Variants in CASK observed in about 807,000 individuals in gnomAD.
CASK encodes the protein peripheral plasma membrane protein CASK.
A neutral mutation model predicts 82.9 loss-of-function variants in CASK; 4 were observed. The observed-to-expected ratio is 0.05, with a 90% CI of 0.02 to 0.11. CASK has a LOEUF of 0.11. Among genes scored for constraint, CASK ranks in the 10% least tolerant of loss-of-function variants. The pLI is 1.00. For synonymous variants in CASK, 259 were observed against 253.5 expected (o/e 1.02, Z -0.20); for missense variants, 358 against 720.9 (o/e 0.50, Z 5.76).
At chrX:41,861,834 CAT>C (rs1201151151) in intron 1 of CASK, among the ~76,000 whole-genome samples, 10 of 97,000 alleles carry the variant, frequency 1.0e-4, no homozygotes, top group Admixed American at 2.4e-4. Flanking sequence ...TGTATATATA[CAT>C]ACAATATATA....
At chrX:41,862,484 T>G (rs1043497673) in intron 1 of CASK, among the ~76,000 whole-genome samples, 1 of 95,331 alleles carries the variant, frequency 1.0e-5, no homozygotes, top group Non-Finnish European at 2.0e-5. Flanking sequence ...GAGGTTGCAG[T>G]GAGCAGAGAT....
intron 5 of CASK, among the ~76,000 whole-genome samples, chrX:41,714,696 G>C (rs921260858): frequency 9.0e-6 from 1 of 111,409 alleles, no homozygotes; most frequent in Non-Finnish European, 1.9e-5. Context: ...TTTCCACTTG[G>C]GGGTATTTAC....
chrX:41,582,173 C>A (rs779587619), intron 14 of CASK, among the ~76,000 whole-genome samples: 3 of 110,531 alleles, frequency 2.7e-5, no homozygotes, highest in Non-Finnish European at 3.8e-5. Flanking sequence ...TCTTATCCCC[C>A]CTACAGTCCG....
chrX:41,832,391 A>ATT (rs1284720570), intron 2 of CASK, among the ~76,000 whole-genome samples: 53 of 112,203 alleles, frequency 4.7e-4, no homozygotes, highest in African/African-American at 1.5e-3. Context: ...CATGTGGTAG[A>ATT]ATAAGACAGG....
At chrX:41,691,685 C>T (rs2067564459) in intron 5 of CASK, among the ~76,000 whole-genome samples, 1 of 107,987 alleles carries the variant, frequency 9.3e-6, no homozygotes, top group Non-Finnish European at 1.9e-5. Context: ...AGTGAAACTC[C>T]GTCTCTACTA....
intron 2 of CASK, among the ~76,000 whole-genome samples, chrX:41,832,017 T>G (rs1208886651): frequency 9.1e-6 from 1 of 110,318 alleles, no homozygotes; most frequent in Non-Finnish European, 1.9e-5. Context: ...AAAATGCTTT[T>G]TTAAAAAACA....
chrX:41,527,581 G>T (rs370804110), intron 25 of CASK, among the ~76,000 whole-genome samples: 1 of 111,849 alleles, frequency 8.9e-6, no homozygotes, highest in African/African-American at 3.3e-5. Context: ...TAGGAAGAGT[G>T]CAGTGACCCC....
intron 1 of CASK, among the ~76,000 whole-genome samples, chrX:41,880,774 T>C (rs2071936492): frequency 8.9e-6 from 1 of 111,754 alleles, no homozygotes; most frequent in Admixed American, 9.5e-5. Flanking sequence ...TTTAAAACTA[T>C]AAGATATCTC....
intron 3 of CASK, chrX:41,786,886 T>C: frequency 3.6e-6 from 1 of 278,786 alleles, no homozygotes; most frequent in East Asian, 7.9e-5. Flanking sequence ...AGACTTCTAC[T>C]GGTCAGAAGT....
At chrX:41,628,216 A>G (rs1351091114) in intron 9 of CASK, among the ~76,000 whole-genome samples, 1 of 112,425 alleles carries the variant, frequency 8.9e-6, no homozygotes, top group Admixed American at 9.4e-5. Flanking sequence ...TCACCTAAGT[A>G]GTCTAAGTCT....
chrX:41,826,001 G>C (rs750973860), intron 2 of CASK, among the ~76,000 whole-genome samples: 5 of 112,310 alleles, frequency 4.5e-5, no homozygotes, highest in African/African-American at 1.6e-4. Flanking sequence ...ATTATTCACT[G>C]CTGTCATATG....
At chrX:41,693,038 T>C (rs1245523460) in intron 5 of CASK, among the ~76,000 whole-genome samples, 7 of 111,690 alleles carry the variant, frequency 6.3e-5, no homozygotes, top group Non-Finnish European at 1.9e-5. Context: ...ACTTGGTTCT[T>C]AATCCTAATG....
At chrX:41,742,202 C>A (rs1377026811) in intron 4 of CASK, among the ~76,000 whole-genome samples, 1 of 111,551 alleles carries the variant, frequency 9.0e-6, no homozygotes, top group African/African-American at 3.3e-5. Flanking sequence ...ATGGAGCTAT[C>A]CAAATCTCTG....
chrX:41,678,599 A>G (rs2147514327), intron 5 of CASK, among the ~76,000 whole-genome samples: 1 of 111,397 alleles, frequency 9.0e-6, no homozygotes, highest in Admixed American at 9.5e-5. Flanking sequence ...CAGTGGGTTC[A>G]GGTGTTGTCT....
chrX:41,572,811 C>T (rs754395489), intron 15 of CASK, among the ~76,000 whole-genome samples: 2 of 111,505 alleles, frequency 1.8e-5, no homozygotes, highest in African/African-American at 3.3e-5. Context: ...AATCTGTTAT[C>T]GTTTTCCTTC....
chrX:41,545,656 T>C (rs1381164306), intron 21 of CASK, among the ~76,000 whole-genome samples: 1 of 112,026 alleles, frequency 8.9e-6, no homozygotes, highest in Non-Finnish European at 1.9e-5. Flanking sequence ...CATTTCCATG[T>C]AGACTTTAAA....
rs1332815959 is a variant in CASK, at chrX:41,773,163, C to T, written c.278+14015G>A. ...ACTCTGGGAGGCTGGGCGGACAGATCACCTGAGCCCAGGAGTCTGAGACCA... is the reference window on the plus strand; with the variant it reads ...ACTCTGGGAGGCTGGGCGGACAGATTACCTGAGCCCAGGAGTCTGAGACCA... On this transcript the variant is annotated intron_variant, in intron 3 of 26. Transcript: ENST00000378163. 2.7e-5 allele frequency among the ~76,000 whole-genome samples: 3 copies of T among 109,980 alleles called. No individual in the cohort carries two copies. The Admixed American group carries it at 2.9e-4, about 11-fold the overall frequency.
In CASK at chrX:41,793,067, C is replaced by T. The variant is rs751787310; in HGVS notation, c.173-5784G>A. Among the ~76,000 whole-genome samples the T allele has an allele frequency of 3.0e-3, 335 of 112,118 alleles. 1 individual carries two copies. Among genetic ancestry groups the T allele is most frequent in the Non-Finnish European group, 5.2e-3 (274 of 53,197 alleles). On this transcript the variant is annotated intron_variant, in intron 2 of 26. Transcript: ENST00000378163. Reference sequence around the variant, plus strand: ...AAAAAATACTTTCACAGAAGGAAATCCTATAGCTTCTTTTAATAACCCAAA... The same window carrying T: ...AAAAAATACTTTCACAGAAGGAAATTCTATAGCTTCTTTTAATAACCCAAA...
intron 16 of CASK, chrX:41,562,991 A>G (rs1015119973): frequency 1.1e-5 from 1 of 88,114 alleles, no homozygotes; most frequent in Non-Finnish European, 2.1e-5. Flanking sequence ...CCGGAAGCAG[A>G]GGTTGCACCA....
Sources: gnomAD v4.1 joint callset for allele counts (sites outside exome capture counted in the v4.1 genomes callset) on GRCh38, gnomAD v4.1.1 for gene constraint, MANE v1.5 for transcripts, NCBI Gene and HGNC (gene_info 2026-07-23, HGNC 2026-07-21) for gene names.